Variants in WWOX observed in about 807,000 individuals in gnomAD.
WWOX encodes WW domain-containing oxidoreductase.
WWOX carries 69 observed loss-of-function variants against 46.2 expected under a neutral mutation model. That is an observed-to-expected ratio of 1.49 (90% confidence interval 1.23 to 1.82). The LOEUF is 1.82. WWOX is among the 40% of genes most tolerant of loss of function. The probability of loss-of-function intolerance (pLI) is 0.00; values close to 1 mark genes in which losing one functional copy is unlikely to be tolerated. For missense variants in WWOX, 919 were observed against 542.6 expected, an observed-to-expected ratio of 1.69 and a Z score of -6.89; for synonymous variants, 359 against 202.6, an observed-to-expected ratio of 1.77 and a Z score of -6.56.
chr16:79,123,915 C>A (rs777238742), intron 8 of WWOX, among the ~76,000 whole-genome samples: 1 of 151,976 alleles, frequency 6.6e-6, no homozygotes, highest in Non-Finnish European at 1.5e-5. Context: ...AAACCGATAC[C>A]CTGGGTCTCC....
intron 8 of WWOX, among the ~76,000 whole-genome samples, chr16:78,773,277 T>A (rs1171533650): frequency 6.6e-6 from 1 of 152,184 alleles, no homozygotes. Context: ...ATGTTCCTTC[T>A]ACTACAACTT....
At chr16:78,314,965 C>G (rs1271379910) in intron 5 of WWOX, among the ~76,000 whole-genome samples, 1 of 152,084 alleles carries the variant, frequency 6.6e-6, no homozygotes, top group Non-Finnish European at 1.5e-5. Flanking sequence ...TTGCCAATGT[C>G]CTTCGTAAAA....
At chr16:78,230,388 C>G (rs2037218056) in intron 5 of WWOX, among the ~76,000 whole-genome samples, 1 of 152,192 alleles carries the variant, frequency 6.6e-6, no homozygotes, top group Admixed American at 6.5e-5. Flanking sequence ...ATGATGTACA[C>G]AAGCATTTGA....
chr16:78,752,177 G>C (rs540127819), intron 8 of WWOX, among the ~76,000 whole-genome samples: 1 of 152,142 alleles, frequency 6.6e-6, no homozygotes, highest in Non-Finnish European at 1.5e-5. Flanking sequence ...ACTTCGATGC[G>C]TACTGAAAAT....
intron 8 of WWOX, among the ~76,000 whole-genome samples, chr16:78,911,408 C>T (rs1175780863): frequency 3.3e-5 from 5 of 151,942 alleles, no homozygotes; most frequent in Non-Finnish European, 7.4e-5. Flanking sequence ...TCTTGATGGC[C>T]TGGGTTGACC....
At chr16:79,163,077 G>C (rs951536127) in intron 8 of WWOX, among the ~76,000 whole-genome samples, 1 of 152,146 alleles carries the variant, frequency 6.6e-6, no homozygotes, top group Admixed American at 6.5e-5. Flanking sequence ...AGGCCTCTTT[G>C]TCAAACCAGT....
intron 8 of WWOX, among the ~76,000 whole-genome samples, chr16:78,640,951 A>AAAAG (rs2046692970): frequency 2.0e-5 from 3 of 151,480 alleles, no homozygotes; most frequent in Admixed American, 2.0e-4. Context: ...AAAAAAAAAA[A>AAAAG]AAGAAGAAGA....
At chr16:78,940,572 T>TG (rs2045831672) in intron 8 of WWOX, among the ~76,000 whole-genome samples, 1 of 152,058 alleles carries the variant, frequency 6.6e-6, no homozygotes, top group South Asian at 2.1e-4. Flanking sequence ...AGTACCTGAG[T>TG]GGGGGTATAT....
At chr16:79,159,584 C>T (rs965406845) in intron 8 of WWOX, among the ~76,000 whole-genome samples, 1 of 152,172 alleles carries the variant, frequency 6.6e-6, no homozygotes, top group African/African-American at 2.4e-5. Context: ...ACCTGGGTTA[C>T]AAAGAGGAGG....
At chr16:78,138,544 G>T (rs367590779) in intron 4 of WWOX, among the ~76,000 whole-genome samples, 1 of 152,184 alleles carries the variant, frequency 6.6e-6, no homozygotes, top group Admixed American at 6.5e-5. Context: ...AAGAATAAAT[G>T]TCTCTGGGTT....
chr16:78,890,183 A>G (rs568778229), intron 8 of WWOX: 1 of 152,352 alleles, frequency 6.6e-6, no homozygotes, highest in African/African-American at 2.4e-5. Context: ...ACACTGACAC[A>G]TAGATTTTGT....
chr16:79,041,622 C>T (rs537142188), intron 8 of WWOX, among the ~76,000 whole-genome samples: 2 of 152,190 alleles, frequency 1.3e-5, no homozygotes, highest in South Asian at 4.2e-4. Flanking sequence ...TTCCAAGTGA[C>T]TGGGGTCAGT....
chr16:78,468,507 C>T (rs2084139382), intron 8 of WWOX, among the ~76,000 whole-genome samples: 1 of 152,140 alleles, frequency 6.6e-6, no homozygotes, highest in South Asian at 2.1e-4. Flanking sequence ...TTGGAAGGGT[C>T]ATCTCATGGT....
At chr16:78,229,774 A>T (rs975727538) in intron 5 of WWOX, among the ~76,000 whole-genome samples, 7 of 152,042 alleles carry the variant, frequency 4.6e-5, no homozygotes, top group African/African-American at 1.7e-4. Flanking sequence ...TGCCTTGATG[A>T]GTACCTCCTT....
chr16:78,867,756 A>G (rs2044037804), intron 8 of WWOX, among the ~76,000 whole-genome samples: 1 of 152,034 alleles, frequency 6.6e-6, no homozygotes, highest in African/African-American at 2.4e-5. Flanking sequence ...TGAGCTGTAA[A>G]TTGTGGAACT....
intron 5 of WWOX, among the ~76,000 whole-genome samples, chr16:78,294,059 T>C (rs1489037982): frequency 6.6e-6 from 1 of 151,242 alleles, no homozygotes; most frequent in East Asian, 2.0e-4. Context: ...CCTTCGTGTT[T>C]AGCAATTTGG....
At chr16:78,710,813 C>G (rs910327861) in intron 8 of WWOX, among the ~76,000 whole-genome samples, 2 of 151,684 alleles carry the variant, frequency 1.3e-5, no homozygotes, top group Non-Finnish European at 2.9e-5. Context: ...TAGGATCTCT[C>G]CCTTTGTGGC....
intron 8 of WWOX, among the ~76,000 whole-genome samples, chr16:78,639,821 C>A (rs2046660239): frequency 6.6e-6 from 1 of 152,172 alleles, no homozygotes; most frequent in African/African-American, 2.4e-5. Context: ...CTGCCCCAGC[C>A]TCCCACAGTG....
intron 8 of WWOX, among the ~76,000 whole-genome samples, chr16:79,001,844 G>A (rs2047099206): frequency 6.6e-6 from 1 of 152,072 alleles, no homozygotes; most frequent in African/African-American, 2.4e-5. Flanking sequence ...TAACTGCAGT[G>A]GTGTCGCTTT....
Sources: gnomAD v4.1 joint callset for allele counts (sites outside exome capture counted in the v4.1 genomes callset) on GRCh38, gnomAD v4.1.1 for gene constraint, MANE v1.5 for transcripts, NCBI Gene and HGNC (gene_info 2026-07-23, HGNC 2026-07-21) for gene names.